Variants in NTM observed in about 807,000 individuals in gnomAD.
The protein encoded by NTM is IgLON family member 2.
Under a neutral mutation model 42.1 loss-of-function variants are expected in NTM, and 13 were observed. The observed-to-expected ratio is 0.31, with a 90% CI of 0.20 to 0.49. The LOEUF (loss-of-function observed/expected upper bound fraction) is 0.49. NTM is among the 20% of genes least tolerant of loss of function. The pLI is 0.99. For missense variants in NTM, 373 were observed against 452.8 expected (o/e 0.82, Z 1.60); for synonymous variants, 187 against 179.2 (o/e 1.04, Z -0.35).
chr11:132,052,773 C>CTGTGTGTGTGTG (rs5795753), intron 2 of NTM, among the ~76,000 whole-genome samples: 68 of 148,370 alleles, frequency 4.6e-4, no homozygotes, highest in African/African-American at 1.4e-3. Context: ...TCCAGGCTCA[C>CTGTGTGTGTGTG]TGTGTGTGTG....
At chr11:131,557,150 T>C (rs1230676551) in intron 1 of NTM, among the ~76,000 whole-genome samples, 1 of 152,146 alleles carries the variant, frequency 6.6e-6, no homozygotes, top group Admixed American at 6.5e-5. Flanking sequence ...TCTCTCCAGT[T>C]AAGCCAATGG....
intron 2 of NTM, among the ~76,000 whole-genome samples, chr11:132,047,171 T>C (rs1463515211): frequency 1.3e-5 from 2 of 152,256 alleles, no homozygotes; most frequent in South Asian, 2.1e-4. Flanking sequence ...TGGGCTGGGA[T>C]CTGACATAGG....
intron 1 of NTM, among the ~76,000 whole-genome samples, chr11:131,746,710 G>C (rs2081876027): frequency 6.6e-6 from 1 of 152,138 alleles, no homozygotes; most frequent in Admixed American, 6.6e-5. Context: ...TTTTATAAAT[G>C]ATGGGACATT....
At chr11:132,330,872 A>G (rs2095790233) in intron 8 of NTM, among the ~76,000 whole-genome samples, 1 of 152,160 alleles carries the variant, frequency 6.6e-6, no homozygotes, top group Non-Finnish European at 1.5e-5. Context: ...TGCGTGGCCC[A>G]TGTCACTAGG....
chr11:131,890,922 CTCAT>C (rs2051227873), intron 1 of NTM, among the ~76,000 whole-genome samples: 2 of 152,132 alleles, frequency 1.3e-5, no homozygotes, highest in South Asian at 4.1e-4. Context: ...CTTTTCTGTC[CTCAT>C]TCTGGGCAAG....
rs2084161688 is a variant in NTM at position 131,761,449 on chromosome 11, G to A, written c.83-150115G>A. Among the ~76,000 whole-genome samples, 3 of 152,148 alleles carry A rather than the reference G, an allele frequency of 2.0e-5. 1 individual carries two copies. The highest frequency in any genetic ancestry group is 4.1e-4 in the South Asian group (2 of 4,828). ...GTGTTTGGAGATGGGGCCTTTGAGA[G>A]GTAATTAGGGCTAAATATAGTGATG... On this transcript the variant is annotated intron_variant, in intron 1 of 8. Coordinates refer to ENST00000683400, the MANE Select transcript of NTM (RefSeq NM_001352005.2).
rs1591567152 is a variant in NTM at position 131,401,822 on chromosome 11, A to ATATATATATGTG, written c.82+30943_82+30944insGTGTATATATAT. Among the ~76,000 whole-genome samples the ATATATATATGTG allele has an allele frequency of 5.7e-4, 33 of 57,852 alleles. 3 individuals carry two copies. Among genetic ancestry groups the ATATATATATGTG allele is most frequent in the African/African-American group, 1.6e-3 (22 of 14,062 alleles). 38.0% of individuals were successfully genotyped at this position (57,852 alleles called of 152,430 possible). ...GAAATATATATATATATATATATAT[A>ATATATATATGTG]TATATATATATATATATATATATAT... On this transcript the variant is annotated intron_variant, in intron 1 of 8. Transcript: ENST00000683400.
intron 2 of NTM, among the ~76,000 whole-genome samples, chr11:131,972,796 C>T (rs1294803467): frequency 6.6e-6 from 1 of 152,056 alleles, no homozygotes; most frequent in African/African-American, 2.4e-5. Flanking sequence ...AAAAAGAGTG[C>T]CACTTACAAT....
chr11:131,913,005 G>A (rs1406937966), intron 2 of NTM, among the ~76,000 whole-genome samples: 1 of 152,124 alleles, frequency 6.6e-6, no homozygotes, highest in Non-Finnish European at 1.5e-5. Flanking sequence ...CATGGCTCTG[G>A]TGAACTCCTA....
chr11:132,080,522 C>A (rs2136274435), intron 2 of NTM, among the ~76,000 whole-genome samples: 1 of 152,332 alleles, frequency 6.6e-6, no homozygotes, highest in South Asian at 2.1e-4. Context: ...TACTACTGGG[C>A]ACCATGATAA....
At chr11:132,264,488 C>A (rs1031007599) in intron 4 of NTM, among the ~76,000 whole-genome samples, 1 of 152,182 alleles carries the variant, frequency 6.6e-6, no homozygotes, top group Non-Finnish European at 1.5e-5. Flanking sequence ...TATCATTTGT[C>A]ATACAACAGT....
At chr11:132,086,844 A>G (rs1032122916) in intron 2 of NTM, among the ~76,000 whole-genome samples, 13 of 152,210 alleles carry the variant, frequency 8.5e-5, no homozygotes, top group African/African-American at 3.1e-4. Flanking sequence ...TAAGCCAACC[A>G]GTGTCAGGTT....
At chr11:131,582,595 TAA>T (rs10674279) in intron 1 of NTM, among the ~76,000 whole-genome samples, 37 of 149,784 alleles carry the variant, frequency 2.5e-4, no homozygotes, top group East Asian at 9.8e-4. Context: ...TGTTCTTGCT[TAA>T]AAAAAAAAAA....
chr11:132,129,107 A>G (rs2066373725), intron 2 of NTM, among the ~76,000 whole-genome samples: 3 of 151,910 alleles, frequency 2.0e-5, no homozygotes, highest in African/African-American at 7.3e-5. Context: ...TTTGCAAAAG[A>G]TGTGTGTTTG....
chr11:132,107,339 CTTTTTTTTT>C (rs780844735), intron 2 of NTM, among the ~76,000 whole-genome samples: 12 of 88,858 alleles, frequency 1.4e-4, no homozygotes, highest in African/African-American at 3.5e-4. Flanking sequence ...AAGATTTATC[CTTTTTTTTT>C]TTTTTTTTTT....
At chr11:131,924,293 G>C (rs1252805034) in intron 2 of NTM, among the ~76,000 whole-genome samples, 1 of 152,166 alleles carries the variant, frequency 6.6e-6, no homozygotes, top group Non-Finnish European at 1.5e-5. Context: ...TTTAGTCCTG[G>C]CTCTGTCCCA....
intron 1 of NTM, among the ~76,000 whole-genome samples, chr11:131,565,493 G>A (rs889542464): frequency 9.9e-5 from 15 of 152,150 alleles, no homozygotes; most frequent in African/African-American, 3.4e-4. Context: ...ACACAGCTCG[G>A]TTGCTGGCAT....
At chr11:131,773,576 G>T (rs2086489547) in intron 1 of NTM, among the ~76,000 whole-genome samples, 1 of 152,134 alleles carries the variant, frequency 6.6e-6, no homozygotes, top group Admixed American at 6.5e-5. Flanking sequence ...TTCAGCATTA[G>T]TCTCATATTG....
chr11:131,471,033 C>T (rs925142709), intron 1 of NTM, among the ~76,000 whole-genome samples: 2 of 152,178 alleles, frequency 1.3e-5, no homozygotes. Context: ...ACAGCCTCTG[C>T]AGCCTAACAT....
Sources: gnomAD v4.1 joint callset for allele counts (sites outside exome capture counted in the v4.1 genomes callset) on GRCh38, gnomAD v4.1.1 for gene constraint, MANE v1.5 for transcripts, NCBI Gene and HGNC (gene_info 2026-07-23, HGNC 2026-07-21) for gene names.